Variants in NUP210 observed in about 807,000 individuals in gnomAD.
NUP210 encodes nuclear pore membrane glycoprotein 210.
A neutral mutation model predicts 196.0 loss-of-function variants in NUP210; 151 were observed. That is an observed-to-expected ratio of 0.77 (90% CI 0.67 to 0.88). The LOEUF is 0.88. Among genes scored for constraint, NUP210 ranks in the 40% least tolerant of loss-of-function variants. NUP210 has a pLI of 0.00. For synonymous variants in NUP210, 1,070 were observed against 1,052.7 expected, an observed-to-expected ratio of 1.02 and a Z score of -0.32; for missense variants, 2,314 against 2,493.7, an observed-to-expected ratio of 0.93 and a Z score of 1.53.
chr3:13,352,364 A>G (rs1400592350), intron 18 of NUP210, among the ~76,000 whole-genome samples, 180 bp from the exon 19 acceptor site: 1 of 152,152 alleles, frequency 6.6e-6, no homozygotes, highest in Non-Finnish European at 1.5e-5. Flanking sequence ...CCTGAGGTGG[A>G]ATGAGTTGCT....
rs770521855 is a variant in NUP210 at position 13,322,287 on chromosome 3, G to T, written c.4821C>A (p.Thr1607=). The T allele has an allele frequency of 1.9e-6, 3 of 1,614,224 alleles. No individual in the cohort carries two copies. The highest frequency in any genetic ancestry group is 2.5e-6 in the Non-Finnish European group (3 of 1,180,034). ...REVIQALHPE[T]LISCQSQFKP... Reference sequence around the variant, plus strand: ...TGAACTGGGACTGGCAGCTGATGAGGGTCTCTGGGTGCAAGGCCTGGATGA... The same window carrying T: ...TGAACTGGGACTGGCAGCTGATGAGTGTCTCTGGGTGCAAGGCCTGGATGA... Residue 1607 remains threonine (T), a synonymous_variant, in exon 35 of 40, where the codon ACC becomes ACA. Coordinates refer to ENST00000254508, the MANE Select transcript of NUP210 (RefSeq NM_024923.4).
intron 6 of NUP210, among the ~76,000 whole-genome samples, chr3:13,383,203 T>G (rs940522306): frequency 6.6e-6 from 1 of 152,228 alleles, no homozygotes. Context: ...GTGTGTCTTG[T>G]TCACAGTGAA....
intron 28 of NUP210, among the ~76,000 whole-genome samples, chr3:13,333,989 C>T (rs1323265362): frequency 2.0e-5 from 3 of 152,004 alleles, no homozygotes; most frequent in Admixed American, 6.5e-5. Context: ...GAGAGTGCAG[C>T]TCTAATGGAG....
At chr3:13,343,339 T>TTGGTGGGGGGGGGGGGGGG in intron 20 of NUP210, 36 bp from the exon 21 acceptor site, 1 of 282,522 alleles carries the variant, frequency 3.5e-6, no homozygotes, top group African/African-American at 7.1e-5. Context: ...GGGTGGGTGG[T>TTGGTGGGGGGGGGGGGGGG]GGGTTACGCA....
rs1240672806 is a variant in NUP210, at chr3:13,319,806, T to G, written c.5340A>C (p.Pro1780=). The stretch of plus-strand genomic sequence containing the variant: ...GATCCACCACAAAAGCCACTGTCAC[T>G]GGGATGGCAATGGCTTGGTTGGTCA... ...SPVTNQAIAI[P]VTVAFVVDRR... The change falls in exon 37 of 40, where the codon CCA becomes CCC. Residue 1780 remains proline, a synonymous_variant. Coordinates refer to ENST00000254508, the MANE Select transcript of NUP210 (RefSeq NM_024923.4). The G allele has an allele frequency of 6.2e-7, 1 of 1,614,012 alleles. No individual in the cohort carries two copies. The highest frequency in any genetic ancestry group is 2.2e-5 in the East Asian group (1 of 44,880).
chr3:13,416,915 G>T (rs1700366945), intron 1 of NUP210, among the ~76,000 whole-genome samples: 1 of 152,266 alleles, frequency 6.6e-6, no homozygotes. Flanking sequence ...ACAGCTGGAA[G>T]ATTATGGCAT....
At chr3:13,419,854 G>T (rs1170968908) in intron 1 of NUP210, among the ~76,000 whole-genome samples, 2 of 151,800 alleles carry the variant, frequency 1.3e-5, no homozygotes, top group African/African-American at 4.8e-5. Context: ...TCGCGCCTCA[G>T]CGGCGCGGAG....
At chr3:13,335,111 G>C (rs1026598542) in intron 28 of NUP210, among the ~76,000 whole-genome samples, 1 of 152,222 alleles carries the variant, frequency 6.6e-6, no homozygotes, top group Non-Finnish European at 1.5e-5. Context: ...AAACACAAAC[G>C]ATTAAATTAT....
intron 3 of NUP210, among the ~76,000 whole-genome samples, chr3:13,396,993 C>T (rs993108732): frequency 2.6e-5 from 4 of 152,094 alleles, no homozygotes; most frequent in African/African-American, 4.8e-5. Flanking sequence ...TGCCTCCCAT[C>T]GCTGCCAAGA....
In NUP210 at chr3:13,335,611, G is replaced by A. The variant is rs773837178; in HGVS notation, c.3686C>T (p.Ala1229Val). The A allele has an allele frequency of 8.1e-6, 13 of 1,613,728 alleles. No individual in the cohort carries two copies. The highest frequency in any genetic ancestry group is 1.6e-4 in the Middle Eastern group (1 of 6,078). Reference sequence around the variant, plus strand: ...GTACTGTGACGGGAGTCGGATCGACGCCTGGGAAGACATCAAACACGTTTT... The same window carrying A: ...GTACTGTGACGGGAGTCGGATCGACACCTGGGAAGACATCAAACACGTTTT... ...VLDLRGRHHE[A>V]SIRLPSQYNF... is the part of the protein sequence containing the mutation. Residue 1229 changes from alanine to valine, a missense_variant and splice_region_variant, in exon 28 of 40, where the codon GCG becomes GTG. Coordinates refer to ENST00000254508, the MANE Select transcript of NUP210 (RefSeq NM_024923.4).
chr3:13,357,775 A>C (rs1290022886), intron 16 of NUP210, among the ~76,000 whole-genome samples: 2 of 152,060 alleles, frequency 1.3e-5, no homozygotes, highest in Non-Finnish European at 2.9e-5. Context: ...TTTGAAACAC[A>C]ACCCCACGTC....
Position 13,406,180 on chromosome 3 carries a change from G to C in NUP210, c.168-6319C>G, listed in dbSNP as rs549953225. ...ACTGAGGCACACCTCGGGGAAGTGT[G>C]GGTCCAGGGAAGAGGGGAACCGAGC... On this transcript the variant is annotated intron_variant, in intron 1 of 39. Transcript: ENST00000254508. Among the ~76,000 whole-genome samples the C allele has an allele frequency of 2.1e-3, 327 of 152,296 alleles. 1 individual carries two copies. The highest frequency in any genetic ancestry group is 3.9e-3 in the Non-Finnish European group (267 of 68,022).
At chr3:13,359,215 G>A (rs1335723507) in intron 15 of NUP210, among the ~76,000 whole-genome samples, 18 of 152,230 alleles carry the variant, frequency 1.2e-4, no homozygotes, top group Admixed American at 1.2e-3. Flanking sequence ...AATGGATTGG[G>A]AGGGCCCTAG....
intron 14 of NUP210, among the ~76,000 whole-genome samples, chr3:13,365,253 T>A (rs1698491240): frequency 6.6e-6 from 1 of 152,208 alleles, no homozygotes; most frequent in South Asian, 2.1e-4. Context: ...CTAGACTGTG[T>A]TCTGAGCTCA....
rs775583860 is a variant in NUP210 at position 13,330,592 on chromosome 3, G to A, written c.3978C>T (p.Pro1326=). The A allele has an allele frequency of 2.0e-5, 32 of 1,613,984 alleles. No individual in the cohort carries two copies. Among genetic ancestry groups the A allele is most frequent in the Admixed American group, 6.7e-5 (4 of 59,994 alleles). Residue 1326 remains proline, a synonymous_variant, in exon 30 of 40, where the codon CCC becomes CCT. Transcript: ENST00000254508. ...CAACATGCACAACTGGAACCTTTTC[G>A]GGTCCATCCAGGACGCGGTAGCTCA... is the stretch of plus-strand genomic sequence containing the variant. ...ASLSYRVLDG[P]EKVPVVHVDE...
At chr3:13,375,084 A>C (rs1420662592) in intron 11 of NUP210, among the ~76,000 whole-genome samples, 1 of 152,142 alleles carries the variant, frequency 6.6e-6, no homozygotes, top group Non-Finnish European at 1.5e-5. Flanking sequence ...TTTTTAGAAA[A>C]ATAAACATTA....
rs369950513 is a variant in NUP210, at chr3:13,351,970, C to G, written c.2744G>C (p.Arg915Pro). The change falls in exon 20 of 40, where the codon CGC becomes CCC. Residue 915 changes from arginine (R) to proline (P), a missense_variant. Physicochemically the swap from Arg to Pro is moderately radical, Grantham distance 103 (BLOSUM62 -2). Transcript: ENST00000254508. ...GAAGTAACCTGAGCCTTCCCTGATG[C>G]GGAGCTCTGCCTGCAGGAGGCAGAT... ...YNHPGIQAEL[R>P]IREGSGYFFL... 1.2e-6 allele frequency: 2 copies of G among 1,610,570 alleles called. No homozygotes were observed. The highest frequency in any genetic ancestry group is 2.7e-5 in the African/African-American group (2 of 74,894).
rs59291391 is a variant in NUP210, at chr3:13,350,692, C to CTTT, written c.2835+1184_2835+1186dup. On this transcript the variant is annotated intron_variant, in intron 20 of 39. Transcript: ENST00000254508. This position sits in a 1 kb window ranked among gnomAD's most constrained non-coding sequence, Gnocchi z 4.1. ...AGTTACAGGAAAAAAAATAGAAATT[C>CTTT]TTTTTTTTTTTTTTTTTTTGAGATG... Among the ~76,000 whole-genome samples the CTTT allele has an allele frequency of 5.3e-5, 7 of 131,490 alleles. No individual in the cohort carries two copies. Among genetic ancestry groups the CTTT allele is most frequent in the East Asian group, 2.2e-4 (1 of 4,608 alleles). 86.3% of individuals were successfully genotyped at this position (131,490 alleles called of 152,430 possible).
intron 1 of NUP210, among the ~76,000 whole-genome samples, chr3:13,401,935 C>T (rs191907686): frequency 3.7e-4 from 56 of 152,178 alleles, no homozygotes; most frequent in Admixed American, 2.6e-3. Flanking sequence ...TGGCTCATGC[C>T]TCTAATCCTA....
Sources: gnomAD v4.1 joint callset for allele counts (sites outside exome capture counted in the v4.1 genomes callset) on GRCh38, gnomAD v4.1.1 for gene constraint, Gnocchi (gnomAD v3.1) non-coding constraint, MANE v1.5 for transcripts, NCBI Gene and HGNC (gene_info 2026-07-23, HGNC 2026-07-21) for gene names.